Variants in SLC39A10 observed in about 807,000 individuals in gnomAD.
The protein encoded by SLC39A10 is zinc transporter ZIP10.
SLC39A10 carries 13 observed loss-of-function variants against 65.1 expected under a neutral mutation model. The observed-to-expected ratio is 0.20, with a 90% CI of 0.13 to 0.32. The LOEUF (loss-of-function observed/expected upper bound fraction) is 0.32. SLC39A10 is among the 10% of genes least tolerant of loss of function. SLC39A10 has a pLI of 1.00. For synonymous variants in SLC39A10, 321 were observed against 342.2 expected (o/e 0.94, Z 0.68); for missense variants, 831 against 1,018.4 (o/e 0.82, Z 2.50).
intron 2 of SLC39A10, among the ~76,000 whole-genome samples, chr2:195,644,515 T>C (rs1328291921): frequency 6.6e-6 from 1 of 151,882 alleles, no homozygotes; most frequent in South Asian, 2.1e-4. Context: ...CTAATTTTTG[T>C]ATTTTTAGTA....
rs1268428175 is a variant in SLC39A10, at chr2:195,728,108, G to A, written c.2147-51G>A. 1.3e-6 allele frequency: 2 copies of A among 1,494,300 alleles called. No individual in the cohort carries two copies. Among genetic ancestry groups the A allele is most frequent in the Non-Finnish European group, 1.8e-6 (2 of 1,093,758 alleles). The allele number at this position is 1,494,300 out of a possible 1,614,324, so 92.6% of individuals were successfully genotyped here. A position where few individuals can be genotyped will look rare whatever the true frequency, so the allele number is the denominator to read the frequency against. On this transcript the variant is annotated intron_variant, in intron 8 of 9. Coordinates refer to ENST00000359634, the MANE Select transcript of SLC39A10 (RefSeq NM_020342.3). The surrounding 1 kb of genome is among the most constrained non-coding windows in gnomAD (Gnocchi z 4.4). ...TTATTTGTTTTCTCCTTTCAGATTT[G>A]TGTTTTAAATCCTGTGGTTTTAAAA...
chr2:195,616,530 C>T (rs148019602), intron 2 of SLC39A10, among the ~76,000 whole-genome samples: 1,766 of 151,360 alleles, frequency 0.012, 50 homozygotes, highest in Admixed American at 0.062. Context: ...TGGTCTCGAT[C>T]TCTTGACCTC....
intron 5 of SLC39A10, among the ~76,000 whole-genome samples, chr2:195,709,497 G>T (rs1559044174): frequency 1.3e-5 from 2 of 152,064 alleles, no homozygotes; most frequent in Non-Finnish European, 2.9e-5. Context: ...CTCCCAAAGT[G>T]CTGGGATTAC....
chr2:195,713,612 T>TA, intron 6 of SLC39A10, 59 bp downstream of exon 6: 1 of 1,479,174 alleles, frequency 6.8e-7, no homozygotes, highest in Non-Finnish European at 9.0e-7. Context: ...CATTCAAATT[T>TA]ACATTTAATT....
Position 195,715,277 on chromosome 2 carries a change from C to T in SLC39A10, c.1697-1360C>T, listed in dbSNP as rs368621195. Among the ~76,000 whole-genome samples the T allele has an allele frequency of 2.0e-4, 30 of 151,948 alleles. No homozygotes were observed. The East Asian group carries it at 2.7e-3, about 14-fold the overall frequency. On this transcript the variant is annotated intron_variant, in intron 6 of 9. Coordinates refer to ENST00000359634, the MANE Select transcript of SLC39A10 (RefSeq NM_020342.3). Reference sequence around the variant, plus strand: ...GTGCGGTGGCTCACGCCTGTCATCCCGGCACTTTGGGAGGCCAAGGTGGGC... The same window carrying T: ...GTGCGGTGGCTCACGCCTGTCATCCTGGCACTTTGGGAGGCCAAGGTGGGC...
chr2:195,639,120 G>C (rs533607757), intron 2 of SLC39A10, among the ~76,000 whole-genome samples: 210 of 151,982 alleles, frequency 1.4e-3, no homozygotes, highest in African/African-American at 4.5e-3. Flanking sequence ...CATGCTTGGC[G>C]AATTTTCAGA....
In SLC39A10 at chr2:195,649,056, G is replaced by C. The variant is rs534291057; in HGVS notation, c.-11-30976G>C. Among the ~76,000 whole-genome samples, 33 of 152,090 alleles carry C rather than the reference G, an allele frequency of 2.2e-4. 1 individual carries two copies. The highest frequency in any genetic ancestry group is 3.7e-4 in the Non-Finnish European group (25 of 68,008). ...AGAAAGAAAAAGCCAAGCATGATGG[G>C]TCGCTAACCACCGGGCACTGCCAGA... On this transcript the variant is annotated intron_variant, in intron 2 of 2. Transcript: ENST00000458054.
intron 5 of SLC39A10, among the ~76,000 whole-genome samples, chr2:195,712,925 A>G (rs1691649513): frequency 6.6e-6 from 1 of 152,164 alleles, no homozygotes; most frequent in Non-Finnish European, 1.5e-5. Flanking sequence ...TTTTATTTTT[A>G]CAGATGAGTA....
chr2:195,709,348 C>T (rs1376548337), intron 5 of SLC39A10, among the ~76,000 whole-genome samples: 1 of 152,134 alleles, frequency 6.6e-6, no homozygotes, highest in Non-Finnish European at 1.5e-5. Context: ...TCTTGTGCCT[C>T]GGCCTCCTAA....
rs889418074 is a variant in SLC39A10 at position 195,736,168 on chromosome 2, C to T, written c.*1127C>T. 13 of 152,684 alleles carry T rather than the reference C, an allele frequency of 8.5e-5. No homozygotes were observed. Among genetic ancestry groups the T allele is most frequent in the African/African-American group, 3.1e-4 (13 of 41,440 alleles). 9.5% of individuals were successfully genotyped at this position (152,684 alleles called of 1,614,324 possible). On this transcript the variant is annotated 3_prime_UTR_variant, in exon 10 of 10. Coordinates refer to ENST00000359634, the MANE Select transcript of SLC39A10 (RefSeq NM_020342.3). ...TGGTACCCAAGTGACTTGGAAGATG[C>T]ATTTAAATTACTCAGCTGAAATCAC...
At chr2:195,671,911 GT>G (rs1253236870) in intron 1 of SLC39A10, among the ~76,000 whole-genome samples, 1 of 151,482 alleles carries the variant, frequency 6.6e-6, no homozygotes, top group African/African-American at 2.4e-5. Flanking sequence ...AGAATGTTAT[GT>G]CTCTGAATGA....
Position 195,716,805 on chromosome 2 carries a change from A to T in SLC39A10, c.1865A>T (p.His622Leu). ...CATACCATTCATGAGCATGATCTCCATGCTGCTGCACATAACCACCACGGC... is the reference window on the plus strand; with the variant it reads ...CATACCATTCATGAGCATGATCTCCTTGCTGCTGCACATAACCACCACGGC... ...GLHTIHEHDLHAAAHNHHGEN... is the reference protein window; with the variant it reads ...GLHTIHEHDLLAAAHNHHGEN... Residue 622 changes from histidine to leucine, a missense_variant, in exon 7 of 10, where the codon CAT (histidine) becomes CTT (leucine). His to Leu is a moderately conservative substitution (Grantham distance 99, BLOSUM62 -3). Transcript: ENST00000359634. 1.2e-6 allele frequency: 2 copies of T among 1,614,178 alleles called. No homozygotes were observed.
chr2:195,717,103 A>G, intron 7 of SLC39A10, 98 bp downstream of exon 7: 1 of 1,455,702 alleles, frequency 6.9e-7, no homozygotes, highest in Non-Finnish European at 9.2e-7. Flanking sequence ...GTTATGTATC[A>G]CTCTGGTCAG....
intron 5 of SLC39A10, among the ~76,000 whole-genome samples, chr2:195,711,008 A>T (rs1214831905): frequency 1.3e-5 from 2 of 152,168 alleles, no homozygotes; most frequent in African/African-American, 4.8e-5. Flanking sequence ...ATAGGAGAGG[A>T]AAAGATGATT....
intron 1 of SLC39A10, among the ~76,000 whole-genome samples, chr2:195,673,873 A>G (rs942019379): frequency 6.6e-6 from 1 of 152,222 alleles, no homozygotes; most frequent in Non-Finnish European, 1.5e-5. Flanking sequence ...TAAATGTTTT[A>G]TCATATTGCA....
chr2:195,730,261 A>T (rs1021279293), intron 9 of SLC39A10, among the ~76,000 whole-genome samples: 3 of 152,086 alleles, frequency 2.0e-5, no homozygotes, highest in Non-Finnish European at 2.9e-5. Flanking sequence ...TCTTGTCATA[A>T]CAGCAGAACT....
At chr2:195,614,613 C>T (rs932785008) in intron 2 of SLC39A10, among the ~76,000 whole-genome samples, 1 of 152,090 alleles carries the variant, frequency 6.6e-6, no homozygotes, top group Non-Finnish European at 1.5e-5. Flanking sequence ...CAAAAAACCC[C>T]CTTAAAACAC....
chr2:195,706,790 GA>G lies in SLC39A10; in HGVS notation c.1386+8del. The stretch of plus-strand genomic sequence containing the variant: ...CTTCTTCATCTACTGCCCCATGTAA[GA>G]AATGTTTTTAATGTTTTTAAAAATT... On this transcript the variant is annotated splice_donor_region_variant and intron_variant, in intron 4 of 9. Coordinates refer to ENST00000359634, the MANE Select transcript of SLC39A10 (RefSeq NM_020342.3). 1 of 1,488,444 alleles carries G rather than the reference GA, an allele frequency of 6.7e-7. No individual in the cohort carries two copies. Among genetic ancestry groups the G allele is most frequent in the Non-Finnish European group, 8.9e-7 (1 of 1,123,758 alleles). The allele number at this position is 1,488,444 out of a possible 1,614,324, so 92.2% of individuals were successfully genotyped here. A position where few individuals can be genotyped will look rare whatever the true frequency, so the allele number is the denominator to read the frequency against.
chr2:195,655,310 G>A (rs1372160042), upstream of SLC39A10, among the ~76,000 whole-genome samples: 3 of 152,138 alleles, frequency 2.0e-5, no homozygotes, highest in Admixed American at 6.5e-5. Context: ...TGGTTCAGCC[G>A]TACTTGTGTG....
Sources: allele counts gnomAD v4.1 joint callset (sites outside exome capture counted in the v4.1 genomes callset), GRCh38; gene constraint gnomAD v4.1.1; non-coding constraint Gnocchi (gnomAD v3.1); transcripts MANE v1.5; gene names NCBI Gene and HGNC (gene_info 2026-07-23, HGNC 2026-07-21).